Variants in ACSM3 observed in about 807,000 individuals in gnomAD.
ACSM3 encodes the protein acyl-CoA synthetase medium chain family member 3.
A neutral mutation model predicts 74.1 loss-of-function variants in ACSM3; 61 were observed. The ratio of observed to expected loss-of-function variants is 0.82; its 90% CI spans 0.67 to 1.02. The LOEUF (loss-of-function observed/expected upper bound fraction) is 1.02, where lower values mean the gene tolerates loss of function less well. Among genes scored for constraint, ACSM3 ranks in the 50% least tolerant of loss-of-function variants. The pLI, the probability that ACSM3 is intolerant of heterozygous loss-of-function variation, is 0.00. For synonymous variants in ACSM3, 213 were observed against 241.5 expected, an observed-to-expected ratio of 0.88 and a Z score of 1.09; for missense variants, 660 against 697.0, an observed-to-expected ratio of 0.95 and a Z score of 0.60.
At chr16:20,685,430 A>G in intron 1 of ACSM3, 1 of 1,610,130 alleles carries the variant, frequency 6.2e-7, no homozygotes, top group Non-Finnish European at 8.5e-7. Context: ...ATTATGTGTT[A>G]TTTTCTGCTT....
At chr16:20,750,264 T>C (rs941344571) in intron 2 of ACSM3, among the ~76,000 whole-genome samples, 1 of 152,240 alleles carries the variant, frequency 6.6e-6, no homozygotes, top group African/African-American at 2.4e-5. Context: ...GCGTGTATTA[T>C]TTTTATATGT....
intron 1 of ACSM3, among the ~76,000 whole-genome samples, chr16:20,731,059 TCTCA>T (rs1200457988): frequency 6.6e-6 from 1 of 152,236 alleles, no homozygotes; most frequent in East Asian, 1.9e-4. Flanking sequence ...AGAGATGGGG[TCTCA>T]CTATGTTGAC....
At chr16:20,741,853 G>GCC (rs1567333494) in intron 1 of ACSM3, 1 of 1,536,020 alleles carries the variant, frequency 6.5e-7, no homozygotes, top group South Asian at 1.2e-5. Flanking sequence ...CCCCTAGCCG[G>GCC]CCTCGAAGCC....
At chr16:20,742,641 C>CAAAAA (rs35133233) in intron 1 of ACSM3, among the ~76,000 whole-genome samples, 1 of 129,716 alleles carries the variant, frequency 7.7e-6, no homozygotes, top group African/African-American at 3.0e-5. Context: ...GGCTCTGTCT[C>CAAAAA]AAAAAAAAAA....
Position 20,781,744 on chromosome 16 carries a change from G to C in ACSM3, c.976G>C (p.Ala326Pro). The C allele has an allele frequency of 6.2e-7, 1 of 1,613,390 alleles. No individual in the cohort carries two copies. Among genetic ancestry groups the C allele is most frequent in the Non-Finnish European group, 8.5e-7 (1 of 1,179,422 alleles). Reference sequence around the variant, plus strand: ...GTACCCCATCACAGTCTTCTGTTCAGCACCAACTGTATACCGAATGCTTGT... The same window carrying C: ...GTACCCCATCACAGTCTTCTGTTCACCACCAACTGTATACCGAATGCTTGT... ...SKYPITVFCS[A>P]PTVYRMLVQN... is the part of the protein sequence containing the mutation. Residue 326 changes from alanine (A) to proline (P), a missense_variant, in exon 7 of 14, where the codon GCA becomes CCA. Transcript: ENST00000289416.
intron 2 of ACSM3, among the ~76,000 whole-genome samples, chr16:20,755,278 C>G (rs117421027): frequency 0.034 from 5,192 of 152,150 alleles, 118 homozygotes; most frequent in Non-Finnish European, 0.05. Context: ...ACTCCTCATA[C>G]CAAAACCAGG....
At chr16:20,741,904 C>T (rs776440126) in intron 1 of ACSM3, 1 of 1,534,574 alleles carries the variant, frequency 6.5e-7, no homozygotes, top group Non-Finnish European at 8.7e-7. Context: ...GGTCTGCAAT[C>T]GTGAAAGGGG....
chr16:20,754,919 G>A (rs570763773), intron 2 of ACSM3, among the ~76,000 whole-genome samples: 57 of 152,148 alleles, frequency 3.7e-4, no homozygotes, highest in Non-Finnish European at 6.6e-4. Flanking sequence ...GCATGAAGGA[G>A]GTGTGCTTAA....
chr16:20,734,319 C>T (rs2079850600), intron 1 of ACSM3: 1 of 152,572 alleles, frequency 6.6e-6, no homozygotes, highest in Non-Finnish European at 1.5e-5. Flanking sequence ...CACCAAAATC[C>T]TATCCTCCCT....
chr16:20,717,346 A>G (rs2079765976), intron 1 of ACSM3, among the ~76,000 whole-genome samples: 1 of 152,232 alleles, frequency 6.6e-6, no homozygotes, highest in Non-Finnish European at 1.5e-5. Flanking sequence ...AAGCTCCCCC[A>G]GGAGCTATAC....
At chr16:20,675,175 G>A (rs987283379) in intron 1 of ACSM3, among the ~76,000 whole-genome samples, 14 of 152,166 alleles carry the variant, frequency 9.2e-5, no homozygotes, top group African/African-American at 3.4e-4. Context: ...GTGTGTATGT[G>A]TGTGAATGTG....
chr16:20,722,417 G>GA (rs1421104972), intron 1 of ACSM3: 1 of 152,112 alleles, frequency 6.6e-6, no homozygotes, highest in African/African-American at 2.4e-5. Context: ...ACTTTTAAGG[G>GA]ACATAGTGGA....
intron 2 of ACSM3, among the ~76,000 whole-genome samples, chr16:20,751,664 A>G (rs1455758278): frequency 6.6e-6 from 1 of 152,176 alleles, no homozygotes; most frequent in Non-Finnish European, 1.5e-5. Flanking sequence ...GCTGTACCAG[A>G]GCTGGTCTAT....
intron 1 of ACSM3, chr16:20,741,912 G>C: frequency 1.3e-6 from 2 of 1,534,450 alleles, no homozygotes; most frequent in Non-Finnish European, 1.7e-6. Flanking sequence ...ATCGTGAAAG[G>C]GGTGGAGTGA....
intron 1 of ACSM3, among the ~76,000 whole-genome samples, chr16:20,723,917 G>A (rs368306789): frequency 1.3e-5 from 2 of 152,168 alleles, no homozygotes; most frequent in East Asian, 3.8e-4. Flanking sequence ...GGCTTTTGTT[G>A]CCATTGCTTT....
chr16:20,688,353 AAAAG>A (rs1227496316), intron 1 of ACSM3, among the ~76,000 whole-genome samples: 12 of 152,162 alleles, frequency 7.9e-5, no homozygotes, highest in African/African-American at 2.4e-5. Context: ...GCATTCTAGA[AAAAG>A]AAAGAGAAAG....
chr16:20,711,811 A>G, intron 1 of ACSM3: 1 of 330,432 alleles, frequency 3.0e-6, no homozygotes, highest in East Asian at 8.4e-5. Context: ...GAAAAGAATT[A>G]CCTAATAACC....
intron 1 of ACSM3, among the ~76,000 whole-genome samples, chr16:20,676,738 A>G (rs1351696714): frequency 6.6e-6 from 1 of 152,172 alleles, no homozygotes; most frequent in Non-Finnish European, 1.5e-5. Context: ...GCTGGTTTGG[A>G]CAGGAGTTTG....
At chr16:20,674,984 A>G (rs888852721) in intron 1 of ACSM3, among the ~76,000 whole-genome samples, 4 of 152,142 alleles carry the variant, frequency 2.6e-5, no homozygotes, top group African/African-American at 9.7e-5. Flanking sequence ...ACAAAGTGAA[A>G]GTGGTTCACT....
Sources: allele counts gnomAD v4.1 joint callset (sites outside exome capture counted in the v4.1 genomes callset), GRCh38; gene constraint gnomAD v4.1.1; transcripts MANE v1.5; gene names NCBI Gene and HGNC (gene_info 2026-07-23, HGNC 2026-07-21).